The following BPTF variants were observed in gnomAD, a reference collection of about 807,000 sequenced individuals.
The protein encoded by BPTF is nucleosome-remodeling factor subunit BPTF.
Under a neutral mutation model 292.5 loss-of-function variants are expected in BPTF, and 18 were observed. The observed-to-expected ratio is 0.06, with a 90% CI of 0.04 to 0.09. The LOEUF is 0.09. Ranked by LOEUF, BPTF falls within the 10% of genes least tolerant of loss-of-function variation. BPTF has a pLI of 1.00. For missense variants in BPTF, 2,726 were observed against 3,498.7 expected (o/e 0.78, Z 5.57); for synonymous variants, 1,225 against 1,251.9 (o/e 0.98, Z 0.45).
chr17:67,860,418 G>A (rs1423250867), intron 2 of BPTF, among the ~76,000 whole-genome samples: 9 of 152,228 alleles, frequency 5.9e-5, no homozygotes, highest in African/African-American at 2.2e-4. Flanking sequence ...TAAGTTTTCT[G>A]TTATTGCTTT....
chr17:67,967,128 T>A (rs1254481742), intron 26 of BPTF, among the ~76,000 whole-genome samples: 1 of 110,064 alleles, frequency 9.1e-6, no homozygotes, highest in African/African-American at 2.9e-5. Context: ...AAATAAAGTT[T>A]AATTGTGCAT....
intron 11 of BPTF, among the ~76,000 whole-genome samples, chr17:67,915,750 G>T (rs2062942292): frequency 6.6e-6 from 1 of 152,128 alleles, no homozygotes; most frequent in Admixed American, 6.5e-5. Context: ...AGCCAACTCA[G>T]ATGTCCCTCC....
At chr17:67,963,712 T>C (rs1555685244) in intron 24 of BPTF, among the ~76,000 whole-genome samples, 1 of 152,186 alleles carries the variant, frequency 6.6e-6, no homozygotes, top group African/African-American at 2.4e-5. Context: ...TTGAGACACA[T>C]TGGGGAAAAT....
Position 67,929,230 on chromosome 17 carries a change from C to G in BPTF, c.5999-106C>G, listed in dbSNP as rs1376348716. On this transcript the variant is annotated intron_variant, in intron 16 of 27. Transcript: ENST00000306378. ...CCTCGGATCTCACATTCTATGTAGC[C>G]CACTATAAAACCCTGCCACACGTAG... 7 of 1,504,306 alleles carry G rather than the reference C, an allele frequency of 4.7e-6. No individual in the cohort carries two copies. The East Asian group carries it at 1.4e-4, about 30-fold the overall frequency. 93.2% of individuals were successfully genotyped at this position (1,504,306 alleles called of 1,614,324 possible).
chr17:67,829,165 ATGTT>A (rs913239100), intron 1 of BPTF, among the ~76,000 whole-genome samples: 24 of 146,516 alleles, frequency 1.6e-4, no homozygotes, highest in Admixed American at 6.1e-4. Flanking sequence ...TGATCAGTGA[ATGTT>A]TTTTTTTTTT....
At position 67,947,819 on chromosome 17, in the gene BPTF, C is replaced by G; in HGVS notation, c.7700+11C>G. On this transcript the variant is annotated intron_variant, in intron 22 of 27. Coordinates refer to ENST00000306378, the MANE Select transcript of BPTF (RefSeq NM_182641.4). ...AGAAGAGAATCAAAGGTAGGGGAGA[C>G]GCAGGGTCTTGTTGTCTGTCCGTCT... 6.4e-7 allele frequency: 1 copy of G among 1,550,906 alleles called. No individual in the cohort carries two copies. Among genetic ancestry groups the G allele is most frequent in the Non-Finnish European group, 8.7e-7 (1 of 1,146,400 alleles).
intron 2 of BPTF, among the ~76,000 whole-genome samples, chr17:67,859,102 C>G (rs1450594298): frequency 2.0e-5 from 3 of 152,050 alleles, no homozygotes; most frequent in Non-Finnish European, 2.9e-5. Context: ...CTCCCAACAG[C>G]CCAATAATGT....
intron 2 of BPTF, among the ~76,000 whole-genome samples, chr17:67,860,486 A>G (rs2059011386): frequency 6.6e-6 from 1 of 152,240 alleles, no homozygotes; most frequent in South Asian, 2.1e-4. Flanking sequence ...CTTATAATAA[A>G]AAAAGCTTCT....
At chr17:67,883,093 A>T (rs544728021) in intron 4 of BPTF, among the ~76,000 whole-genome samples, 40 of 151,942 alleles carry the variant, frequency 2.6e-4, no homozygotes, top group Non-Finnish European at 4.7e-4. Flanking sequence ...AGGTGGGCGG[A>T]TCACAGATCA....
At chr17:67,953,651 C>T (rs2066611851) in intron 23 of BPTF, among the ~76,000 whole-genome samples, 1 of 149,568 alleles carries the variant, frequency 6.7e-6, no homozygotes, top group African/African-American at 2.5e-5. Flanking sequence ...TCTCGGCTCA[C>T]TGCAATCTCC....
chr17:67,901,613 A>G (rs997371271), intron 7 of BPTF, among the ~76,000 whole-genome samples: 5 of 152,260 alleles, frequency 3.3e-5, no homozygotes, highest in African/African-American at 1.2e-4. Flanking sequence ...AAGGATTTGA[A>G]TAGGCATTTT....
chr17:67,829,115 G>T (rs1374576644), intron 1 of BPTF, among the ~76,000 whole-genome samples: 4 of 93,486 alleles, frequency 4.3e-5, no homozygotes, highest in South Asian at 3.7e-4. Context: ...TTTGTTTTTT[G>T]TTGTTGTTGT....
intron 4 of BPTF, among the ~76,000 whole-genome samples, chr17:67,885,166 C>T (rs959828381): frequency 3.9e-5 from 6 of 152,120 alleles, no homozygotes; most frequent in African/African-American, 1.4e-4. Context: ...AAAACAAAGG[C>T]AGAGGGAGAC....
intron 8 of BPTF, 56 bp from the exon 9 acceptor site, chr17:67,904,646 G>T: frequency 7.6e-7 from 1 of 1,308,152 alleles, no homozygotes; most frequent in South Asian, 1.7e-5. Context: ...AACCACATGT[G>T]GTTTATAAGC....
At chr17:67,877,568 C>T (rs754993267) in intron 4 of BPTF, among the ~76,000 whole-genome samples, 3 of 152,156 alleles carry the variant, frequency 2.0e-5, no homozygotes, top group South Asian at 2.1e-4. Context: ...TAAAACTTAT[C>T]GACAAAAGAT....
chr17:67,948,062 G>T lies in BPTF; in HGVS notation c.7701-19G>T, dbSNP rs1568150126. 4 of 1,598,974 alleles carry T rather than the reference G, an allele frequency of 2.5e-6. No homozygotes were observed. The South Asian group carries it at 4.4e-5, about 18-fold the overall frequency. On this transcript the variant is annotated intron_variant, in intron 22 of 27. Coordinates refer to ENST00000306378, the MANE Select transcript of BPTF (RefSeq NM_182641.4). ...AAATGAAACGCCCAGCATTACATAG[G>T]TTGTGTATTTTTCTCTAGAATGATT...
chr17:67,910,345 T>C (rs1310595271), intron 10 of BPTF, among the ~76,000 whole-genome samples: 3 of 152,206 alleles, frequency 2.0e-5, no homozygotes, highest in African/African-American at 7.2e-5. Context: ...TTTGTGGCCA[T>C]GCGTTTTCAC....
Position 67,910,924 on chromosome 17 carries a change from G to A in BPTF, c.3040G>A (p.Glu1014Lys). Residue 1014 changes from glutamate (E) to lysine (K), a missense_variant, in exon 11 of 28, where the codon GAA becomes AAA. This residue lies in a region of BPTF where 713 missense variants were observed against 714.9 expected (regional missense o/e 1.00). Coordinates refer to ENST00000306378, the MANE Select transcript of BPTF (RefSeq NM_182641.4). ...DSDSDKPCKEEPMEVDDDMKT... is the reference protein window; with the variant it reads ...DSDSDKPCKEKPMEVDDDMKT... ...TGACAGTGATAAACCCTGCAAGGAAGAACCAATGGAAGTAGACGATGACAT... is the reference window on the plus strand; with the variant it reads ...TGACAGTGATAAACCCTGCAAGGAAAAACCAATGGAAGTAGACGATGACAT... The A allele has an allele frequency of 6.2e-7, 1 of 1,613,560 alleles. No homozygotes were observed. Among genetic ancestry groups the A allele is most frequent in the East Asian group, 2.2e-5 (1 of 44,864 alleles).
At chr17:67,832,880 C>T (rs1228619301) in intron 1 of BPTF, among the ~76,000 whole-genome samples, 9 of 150,774 alleles carry the variant, frequency 6.0e-5, no homozygotes, top group African/African-American at 1.7e-4. Flanking sequence ...CTCCACCTCC[C>T]GGGTTTAAGC....
Sources: gnomAD v4.1 joint callset for allele counts (sites outside exome capture counted in the v4.1 genomes callset) on GRCh38, gnomAD v4.1.1 for gene constraint, gnomAD v4.1.1 regional missense constraint, MANE v1.5 for transcripts, NCBI Gene and HGNC (gene_info 2026-07-23, HGNC 2026-07-21) for gene names.